The following HPGDS variants were observed in gnomAD, a reference collection of about 807,000 sequenced individuals.
The protein encoded by HPGDS is GST class-sigma.
Under a neutral mutation model 23.1 loss-of-function variants are expected in HPGDS, and 26 were observed. The ratio of observed to expected loss-of-function variants is 1.13; its 90% CI spans 0.83 to 1.56. HPGDS has a LOEUF of 1.56. Among genes scored for constraint, HPGDS ranks in the 40% most tolerant of loss-of-function variants. HPGDS has a pLI of 0.00. For missense variants in HPGDS, 268 were observed against 236.4 expected (o/e 1.13, Z -0.88); for synonymous variants, 95 against 77.9 (o/e 1.22, Z -1.16).
In HPGDS at chr4:94,299,597, CA is replaced by C; in HGVS notation, c.482del (p.Leu161TrpfsTer8). On this transcript the variant is annotated frameshift_variant, in exon 6 of 6. Transcript: ENST00000295256. LOFTEE classifies it high-confidence loss of function. The part of the protein sequence containing the change: ...FYWEICSTTL[L>X]VFKPDLLDNH... ...TGTCTAACAGGTCAGGCTTAAAGAC[CA>C]AAAGTGTGGTACTGCAAATCTCCCA... is the stretch of plus-strand genomic sequence containing the variant. 1 of 1,614,038 alleles carries C rather than the reference CA, an allele frequency of 6.2e-7. No individual in the cohort carries two copies. Among genetic ancestry groups the C allele is most frequent in the Non-Finnish European group, 8.5e-7 (1 of 1,179,972 alleles).
chr4:94,304,359 G>C (rs534109975), intron 4 of HPGDS, among the ~76,000 whole-genome samples: 1 of 152,214 alleles, frequency 6.6e-6, no homozygotes, highest in East Asian at 1.9e-4. Context: ...AACACTAATG[G>C]TGAGTTCAAG....
intron 1 of HPGDS, among the ~76,000 whole-genome samples, chr4:94,336,213 A>C (rs1721008632): frequency 6.6e-6 from 1 of 151,740 alleles, no homozygotes; most frequent in South Asian, 2.1e-4. Context: ...CTCAAAAAAA[A>C]AAAAAAAAGA....
chr4:94,334,239 C>T (rs973774876), intron 2 of HPGDS: 16 of 296,532 alleles, frequency 5.4e-5, no homozygotes, highest in Middle Eastern at 9.3e-4. Context: ...CAAACAATGT[C>T]GCATGTTTAT....
chr4:94,313,128 G>C (rs566710852), intron 3 of HPGDS, among the ~76,000 whole-genome samples: 27 of 151,510 alleles, frequency 1.8e-4, no homozygotes, highest in East Asian at 9.7e-4. Flanking sequence ...GAGCATTTAG[G>C]CCATTTACAT....
In HPGDS at chr4:94,299,548, G is replaced by A. The variant is rs201939234; in HGVS notation, c.532C>T (p.Arg178Trp). 5.1e-4 allele frequency: 825 copies of A among 1,613,938 alleles called. 11 individuals carry two copies. The South Asian group carries it at 7.6e-3, about 15-fold the overall frequency. Residue 178 changes from arginine (R) to tryptophan (W), a missense_variant, in exon 6 of 6, where the codon CGG becomes TGG. Physicochemically the swap from Arg to Trp is moderately radical, Grantham distance 101. Coordinates refer to ENST00000295256, the MANE Select transcript of HPGDS (RefSeq NM_014485.3). ...LDNHPRLVTL[R>W]KKVQAIPAVA... ...GCAGGAATGGCTTGGACTTTCTTCCGTAAAGTCACCAGCCTTGGATGGTTG... is the reference window on the plus strand; with the variant it reads ...GCAGGAATGGCTTGGACTTTCTTCCATAAAGTCACCAGCCTTGGATGGTTG...
At chr4:94,334,090 G>C (rs74858675) in intron 2 of HPGDS, 1 of 155,774 alleles carries the variant, frequency 6.4e-6, no homozygotes, top group Non-Finnish European at 1.4e-5. Flanking sequence ...GCATTGTCTA[G>C]TGCAAATAGC....
chr4:94,335,567 A>G (rs973544562), intron 1 of HPGDS, among the ~76,000 whole-genome samples: 1 of 152,244 alleles, frequency 6.6e-6, no homozygotes, highest in Non-Finnish European at 1.5e-5. Context: ...CCTGAATTTC[A>G]AAGACCACTT....
chr4:94,320,638 G>A (rs1238168779), intron 2 of HPGDS, among the ~76,000 whole-genome samples: 2 of 152,084 alleles, frequency 1.3e-5, no homozygotes, highest in African/African-American at 4.8e-5. Context: ...ATTTGTTTAA[G>A]TTCTTTGTAG....
At position 94,318,599 on chromosome 4, in the gene HPGDS, T is replaced by A. The variant is rs1455127186; in HGVS notation, c.134-634A>T. Among the ~76,000 whole-genome samples, 3 of 152,208 alleles carry A rather than the reference T, an allele frequency of 2.0e-5. No homozygotes were observed. The East Asian group carries it at 5.8e-4, about 29-fold the overall frequency. On this transcript the variant is annotated intron_variant, in intron 2 of 5. Transcript: ENST00000295256. The stretch of plus-strand genomic sequence containing the variant: ...CTGTGGTCTGAGAAAATACTTGATA[T>A]AATTTTCATTTTTAAAAATTGATTT...
intron 2 of HPGDS, among the ~76,000 whole-genome samples, chr4:94,321,480 T>G (rs1756508184): frequency 6.6e-6 from 1 of 152,220 alleles, no homozygotes; most frequent in African/African-American, 2.4e-5. Flanking sequence ...GTCCTTCACA[T>G]CCCTTTTAAG....
rs542639723 is a variant in HPGDS, at chr4:94,310,323, G to T, written c.227-1580C>A. Among the ~76,000 whole-genome samples the T allele has an allele frequency of 7.2e-5, 11 of 152,180 alleles. No homozygotes were observed. In the East Asian group the frequency reaches 2.1e-3, roughly 29 times the overall value. ...AATTTTTGTATAAGGTGTAAGGAAG[G>T]GATCCAGTTTCAGCTTTCTCCATAT... On this transcript the variant is annotated intron_variant, in intron 3 of 5. Coordinates refer to ENST00000295256, the MANE Select transcript of HPGDS (RefSeq NM_014485.3).
intron 3 of HPGDS, among the ~76,000 whole-genome samples, chr4:94,310,452 A>G (rs1403055848): frequency 6.6e-6 from 1 of 152,016 alleles, no homozygotes; most frequent in Non-Finnish European, 1.5e-5. Context: ...GATGTGTGGT[A>G]TTATTTCTGA....
At chr4:94,312,856 C>T (rs1027154462) in intron 3 of HPGDS, among the ~76,000 whole-genome samples, 1 of 152,182 alleles carries the variant, frequency 6.6e-6, no homozygotes, top group African/African-American at 2.4e-5. Context: ...ATAGTTAGCT[C>T]TTCTTGTTGA....
At position 94,335,986 on chromosome 4, in the gene HPGDS, A is replaced by G. The variant is rs564731714; in HGVS notation, c.-9-1348T>C. ...TTTGGGAGGCCAAGGCAGGCGGATCACCTGAAGCCAGGAGTTCGAGACCAG... is the reference window on the plus strand; with the variant it reads ...TTTGGGAGGCCAAGGCAGGCGGATCGCCTGAAGCCAGGAGTTCGAGACCAG... On this transcript the variant is annotated intron_variant, in intron 1 of 5. Transcript: ENST00000295256. 3.9e-5 allele frequency among the ~76,000 whole-genome samples: 6 copies of G among 152,276 alleles called. No individual in the cohort carries two copies. The South Asian group carries it at 8.3e-4, about 21-fold the overall frequency.
At chr4:94,308,587 C>G in intron 4 of HPGDS, 47 bp downstream of exon 4, 1 of 918,500 alleles carries the variant, frequency 1.1e-6, no homozygotes, top group South Asian at 1.5e-5. Context: ...CAATGTCTGG[C>G]AGGTGGTATA....
At position 94,313,658 on chromosome 4, in the gene HPGDS, G is replaced by C. The variant is rs375562961; in HGVS notation, c.226+4215C>G. ...GAGGAGTATCTTTGTGGCGTTCTCT[G>C]TATTTCCTGAATTTGAATGTTGGCC... On this transcript the variant is annotated intron_variant, in intron 3 of 5. Transcript: ENST00000295256. Among the ~76,000 whole-genome samples, 21 of 152,252 alleles carry C rather than the reference G, an allele frequency of 1.4e-4. No homozygotes were observed. The East Asian group carries it at 2.1e-3, about 15-fold the overall frequency.
In HPGDS at chr4:94,299,437, A is replaced by T; in HGVS notation, c.*43T>A. On this transcript the variant is annotated 3_prime_UTR_variant, in exon 6 of 6. Coordinates refer to ENST00000295256, the MANE Select transcript of HPGDS (RefSeq NM_014485.3). ...ATGTAGCTGTCTTATCTGATGAGAG[A>T]GATGCCCCCGAGAAAAACAAACTTG... 1.3e-6 allele frequency: 2 copies of T among 1,554,860 alleles called. No homozygotes were observed. The highest frequency in any genetic ancestry group is 1.7e-6 in the Non-Finnish European group (2 of 1,145,052).
chr4:94,339,416 T>C (rs1469330121), intron 1 of HPGDS, among the ~76,000 whole-genome samples: 1 of 152,184 alleles, frequency 6.6e-6, no homozygotes, highest in Non-Finnish European at 1.5e-5. Context: ...CCCCAAAGTA[T>C]ATCGTGTAAA....
At chr4:94,335,458 G>T (rs1478182874) in intron 1 of HPGDS, among the ~76,000 whole-genome samples, 1 of 152,120 alleles carries the variant, frequency 6.6e-6, no homozygotes, top group Non-Finnish European at 1.5e-5. Context: ...CACTCGTAGT[G>T]GAATATATTT....
Sources: gnomAD v4.1 joint callset for allele counts (sites outside exome capture counted in the v4.1 genomes callset) on GRCh38, gnomAD v4.1.1 for gene constraint, MANE v1.5 for transcripts, NCBI Gene and HGNC (gene_info 2026-07-23, HGNC 2026-07-21) for gene names.